Variants in CNTRL observed in about 807,000 individuals in gnomAD.
CNTRL encodes the protein centriolin.
Under a neutral mutation model 303.7 loss-of-function variants are expected in CNTRL, and 233 were observed. That is an observed-to-expected ratio of 0.77 (90% confidence interval 0.69 to 0.86). The LOEUF is 0.86. Ranked by LOEUF, CNTRL falls within the 40% of genes least tolerant of loss-of-function variation. CNTRL has a pLI of 0.00. For synonymous variants in CNTRL, 900 were observed against 922.2 expected (o/e 0.98, Z 0.44); for missense variants, 2,524 against 2,650.6 (o/e 0.95, Z 1.05).
intron 10 of CNTRL, among the ~76,000 whole-genome samples, 159 bp from the exon 11 acceptor site, chr9:121,114,932 C>A (rs1187805800): frequency 6.6e-6 from 1 of 152,004 alleles, no homozygotes; most frequent in Middle Eastern, 3.2e-3. Flanking sequence ...TAGACAAAAG[C>A]GATCATAAGT....
At chr9:121,163,328 AATATAT>A (rs981878562) in intron 34 of CNTRL, among the ~76,000 whole-genome samples, 4 of 146,574 alleles carry the variant, frequency 2.7e-5, no homozygotes, top group African/African-American at 1.0e-4. Context: ...TCAAAAAAAA[AATATAT>A]ATATATATAC....
At chr9:121,171,671 C>CT (rs2053311408) in intron 40 of CNTRL, 123 bp downstream of exon 40, 1 of 1,003,894 alleles carries the variant, frequency 1.0e-6, no homozygotes, top group Non-Finnish European at 1.3e-6. Context: ...TAAGAATGTT[C>CT]TTTAAGTCAA....
chr9:121,087,630 G>A (rs1564189536), intron 2 of CNTRL, among the ~76,000 whole-genome samples: 1 of 152,152 alleles, frequency 6.6e-6, no homozygotes, highest in Non-Finnish European at 1.5e-5. Flanking sequence ...GGCAGAGGTT[G>A]CAGTGAGCCG....
intron 9 of CNTRL, 60 bp from the exon 10 acceptor site, chr9:121,113,442 A>C: frequency 1.1e-6 from 1 of 893,264 alleles, no homozygotes; most frequent in Non-Finnish European, 1.7e-6. Context: ...AAAATGAATA[A>C]TGTCATTTGA....
intron 2 of CNTRL, among the ~76,000 whole-genome samples, chr9:121,083,788 A>C (rs2048237916): frequency 3.3e-5 from 5 of 152,320 alleles, no homozygotes; most frequent in South Asian, 2.1e-4. Flanking sequence ...CACTACAAAC[A>C]TGTGAGTAAT....
At chr9:121,128,741 C>G (rs1284670444) in intron 14 of CNTRL, among the ~76,000 whole-genome samples, 1 of 152,136 alleles carries the variant, frequency 6.6e-6, no homozygotes, top group African/African-American at 2.4e-5. Context: ...AATAGTATTG[C>G]CTAGGTTTTC....
intron 7 of CNTRL, among the ~76,000 whole-genome samples, chr9:121,099,946 A>T (rs2049069747): frequency 6.6e-6 from 1 of 152,254 alleles, no homozygotes; most frequent in Non-Finnish European, 1.5e-5. Context: ...GTGTACCTGA[A>T]AGTGACAGGG....
chr9:121,121,042 A>G (rs2050201374), intron 12 of CNTRL, among the ~76,000 whole-genome samples: 1 of 152,232 alleles, frequency 6.6e-6, no homozygotes, highest in African/African-American at 2.4e-5. Context: ...GCAGAAGAGA[A>G]ATAATCAAGA....
intron 38 of CNTRL, 25 bp from the exon 39 acceptor site, chr9:121,169,586 A>C (rs2053224106): frequency 2.5e-6 from 4 of 1,613,260 alleles, no homozygotes; most frequent in South Asian, 2.2e-5. Flanking sequence ...TCTTTGGCTA[A>C]ACCTACTGAA....
rs1049261397 is a variant in CNTRL, at chr9:121,161,328, A to G, written c.5090-528A>G. The G allele has an allele frequency of 3.1e-5, 13 of 417,542 alleles. No individual in the cohort carries two copies. In the East Asian group the frequency reaches 4.7e-4, roughly 15 times the overall value. 25.9% of individuals were successfully genotyped at this position (417,542 alleles called of 1,614,324 possible). On this transcript the variant is annotated intron_variant, in intron 32 of 43. Coordinates refer to ENST00000373855, the MANE Select transcript of CNTRL (RefSeq NM_007018.6). ...ATCTCTATGATCAGAAAAAAAGTTA[A>G]TATTTAAATATCTGTATTTCAAAGG...
intron 10 of CNTRL, 128 bp from the exon 11 acceptor site, chr9:121,114,963 G>A: frequency 3.7e-6 from 2 of 540,514 alleles, no homozygotes; most frequent in Non-Finnish European, 3.3e-6. Flanking sequence ...AAATTTTTTT[G>A]TGAGATATAA....
intron 27 of CNTRL, among the ~76,000 whole-genome samples, chr9:121,155,504 C>T (rs1412571212): frequency 2.0e-5 from 3 of 152,138 alleles, no homozygotes; most frequent in Admixed American, 2.0e-4. Context: ...GCCTCAGCCT[C>T]CTGAGTAGAG....
intron 33 of CNTRL, 35 bp from the exon 34 acceptor site, chr9:121,162,019 T>A: frequency 6.2e-7 from 1 of 1,613,356 alleles, no homozygotes; most frequent in Non-Finnish European, 8.5e-7. Context: ...GTCTTTCTCA[T>A]TTAAGATGTT....
chr9:121,127,693 A>T (rs189307507), intron 14 of CNTRL, among the ~76,000 whole-genome samples: 1 of 151,872 alleles, frequency 6.6e-6, no homozygotes, highest in African/African-American at 2.4e-5. Flanking sequence ...TCTAGGGTAC[A>T]TGCAGATTTG....
chr9:121,177,584 CATATGAAAATAAAAGATAACA>C lies in CNTRL; in HGVS notation c.*401_*421del, dbSNP rs2053577231. 1 of 205,762 alleles carries C rather than the reference CATATGAAAATAAAAGATAACA, an allele frequency of 4.9e-6. No individual in the cohort carries two copies. Among genetic ancestry groups the C allele is most frequent in the Non-Finnish European group, 9.8e-6 (1 of 101,712 alleles). 12.7% of individuals were successfully genotyped at this position (205,762 alleles called of 1,614,324 possible). On this transcript the variant is annotated 3_prime_UTR_variant, in exon 44 of 44. Transcript: ENST00000373855. ...TGAATTTTGCTTAAAATCTATTTTT[CATATGAAAATAAAAGATAACA>C]ATCAACTTGGGTCTGTCCTCTGACT... is the stretch of plus-strand genomic sequence containing the variant.
intron 11 of CNTRL, among the ~76,000 whole-genome samples, chr9:121,116,030 G>A (rs1488997481): frequency 6.6e-6 from 1 of 151,156 alleles, no homozygotes; most frequent in Non-Finnish European, 1.5e-5. Flanking sequence ...GGGAAATAAG[G>A]CAATAAACAA....
intron 14 of CNTRL, among the ~76,000 whole-genome samples, chr9:121,131,514 C>A (rs2050856351): frequency 1.3e-5 from 2 of 152,074 alleles, no homozygotes; most frequent in Non-Finnish European, 2.9e-5. Context: ...TTATTTTGAA[C>A]CTATGTGTGT....
At chr9:121,132,380 T>G (rs1464957669) in intron 14 of CNTRL, among the ~76,000 whole-genome samples, 3 of 152,214 alleles carry the variant, frequency 2.0e-5, no homozygotes, top group Non-Finnish European at 4.4e-5. Context: ...TTTCGTTAAT[T>G]TGATCTTCAG....
Position 121,098,547 on chromosome 9 carries a change from G to T in CNTRL, c.783G>T (p.Gln261His). The change falls in exon 7 of 44, where the codon CAG becomes CAT. Residue 261 changes from glutamine to histidine, a missense_variant. By Grantham distance (24) the Gln-to-His change is conservative. Transcript: ENST00000373855. ...EGQPVTTQDR[Q>H]EAFERFSLEE... Reference sequence around the variant, plus strand: ...AGCCAGTAACCACTCAGGATAGACAGGAGGCTTTTGAGAGATTCAGTTTAG... The same window carrying T: ...AGCCAGTAACCACTCAGGATAGACATGAGGCTTTTGAGAGATTCAGTTTAG... 1 of 1,604,064 alleles carries T rather than the reference G, an allele frequency of 6.2e-7. No homozygotes were observed. Among genetic ancestry groups the T allele is most frequent in the African/African-American group, 1.3e-5 (1 of 74,428 alleles).
Sources: gnomAD v4.1 joint callset for allele counts (sites outside exome capture counted in the v4.1 genomes callset) on GRCh38, gnomAD v4.1.1 for gene constraint, MANE v1.5 for transcripts, NCBI Gene and HGNC (gene_info 2026-07-23, HGNC 2026-07-21) for gene names.